Variants in ESPNL observed in about 807,000 individuals in gnomAD.
ESPNL encodes espin-like protein.
In ESPNL, 49 loss-of-function variants were observed where a neutral mutation model predicts 46.8. The ratio of observed to expected loss-of-function variants is 1.05; its 90% CI spans 0.83 to 1.33. The LOEUF (loss-of-function observed/expected upper bound fraction) is 1.33. ESPNL is among the 40% of genes most tolerant of loss of function. The pLI, the probability that ESPNL is intolerant of heterozygous loss-of-function variation, is 0.00. For synonymous variants in ESPNL, 664 were observed against 662.1 expected, an observed-to-expected ratio of 1.00 and a Z score of -0.04; for missense variants, 1,540 against 1,436.6, an observed-to-expected ratio of 1.07 and a Z score of -1.16.
intron 4 of ESPNL, among the ~76,000 whole-genome samples, chr2:238,111,358 T>C (rs954541354): frequency 6.6e-6 from 1 of 152,216 alleles, no homozygotes; most frequent in East Asian, 1.9e-4. Context: ...GCTAAGTCTG[T>C]TCACGTTGTC....
chr2:238,118,399 AGAGGGTGGACGGAG>A (rs1691873635), intron 5 of ESPNL, among the ~76,000 whole-genome samples: 2 of 51,292 alleles, frequency 3.9e-5, no homozygotes, highest in Non-Finnish European at 3.2e-5. Flanking sequence ...GGTGGATGGA[AGAGGGTGGACGGAG>A]GAGGGTGGAT....
At chr2:238,117,164 G>A (rs1433521630) in intron 5 of ESPNL, 130 bp downstream of exon 5, 7 of 1,277,010 alleles carry the variant, frequency 5.5e-6, no homozygotes, top group South Asian at 4.6e-5. Flanking sequence ...ACATGGCATT[G>A]GAGCCAGGAG....
rs1267698410 is a variant in ESPNL at position 238,116,931 on chromosome 2, T to G, written c.884T>G (p.Val295Gly). 6.2e-7 allele frequency: 1 copy of G among 1,612,670 alleles called. No individual in the cohort carries two copies. The highest frequency in any genetic ancestry group is 8.5e-7 in the Non-Finnish European group (1 of 1,179,854). Residue 295 changes from valine (V) to glycine (G), a missense_variant, in exon 5 of 9, where the codon GTG becomes GGG. By Grantham distance (109) the Val-to-Gly change is moderately radical. Transcript: ENST00000343063. ...TGCCAGACCCTAGTCTCCCACCACG[T>G]GGACCCCTCCCTGCGGGATGAAGAT... Reference protein sequence around the residue: ...ECCQTLVSHHVDPSLRDEDGY... With the variant: ...ECCQTLVSHHGDPSLRDEDGY...
chr2:238,116,958 G>T lies in ESPNL; in HGVS notation c.911G>T (p.Gly304Val), dbSNP rs761746600. The stretch of plus-strand genomic sequence containing the variant: ...GACCCCTCCCTGCGGGATGAAGATG[G>T]TTACACGGCGGCAGACCTGGCGGAG... ...HVDPSLRDEDGYTAADLAEYH... is the reference protein window; with the variant it reads ...HVDPSLRDEDVYTAADLAEYH... Residue 304 changes from glycine to valine, a missense_variant, in exon 5 of 9, where the codon GGT becomes GTT. Coordinates refer to ENST00000343063, the MANE Select transcript of ESPNL (RefSeq NM_194312.4). 4 of 1,612,490 alleles carry T rather than the reference G, an allele frequency of 2.5e-6. No homozygotes were observed. In the Admixed American group the frequency reaches 6.7e-5, roughly 27 times the overall value.
chr2:238,104,709 A>T lies in ESPNL; in HGVS notation c.539A>T (p.Gln180Leu). The T allele has an allele frequency of 6.2e-7, 1 of 1,607,672 alleles. No individual in the cohort carries two copies. The highest frequency in any genetic ancestry group is 1.1e-5 in the South Asian group (1 of 90,528). Residue 180 changes from glutamine to leucine, a missense_variant, in exon 3 of 9, where the codon CAG (glutamine) becomes CTG (leucine). Physicochemically the swap from Gln to Leu is moderately radical, Grantham distance 113. Transcript: ENST00000343063. ...SGASPLYLAC[Q>L]EGHLHLAQFL... ...GCCTCCCCACTCTACCTGGCCTGCC[A>T]GGAGGGCCACCTGCACCTGGCCCAG...
Position 238,130,483 on chromosome 2 carries a change from C to A in ESPNL, c.1769C>A (p.Pro590His). 1 of 1,598,622 alleles carries A rather than the reference C, an allele frequency of 6.3e-7. No homozygotes were observed. The highest frequency in any genetic ancestry group is 8.5e-7 in the Non-Finnish European group (1 of 1,172,756). The change falls in exon 9 of 9, where the codon CCC (proline) becomes CAC (histidine). Residue 590 changes from proline (P) to histidine (H), a missense_variant. Coordinates refer to ENST00000343063, the MANE Select transcript of ESPNL (RefSeq NM_194312.4). Reference sequence around the variant, plus strand: ...GTGGCCCCCGGGGTGCAGCCCCTGCCCTTCTGGTGCAGCCACATCTCCCGC... The same window carrying A: ...GTGGCCCCCGGGGTGCAGCCCCTGCACTTCTGGTGCAGCCACATCTCCCGC... Reference protein sequence around the residue: ...SEVAPGVQPLPFWCSHISRLV... With the variant: ...SEVAPGVQPLHFWCSHISRLV...
intron 8 of ESPNL, chr2:238,129,320 C>T (rs1194948983): frequency 1.0e-6 from 1 of 968,968 alleles, no homozygotes; most frequent in African/African-American, 1.8e-5. Context: ...CTTAGGGGGC[C>T]CCCTCTGGGG....
chr2:238,130,641 C>T lies in ESPNL; in HGVS notation c.1927C>T (p.Arg643Cys), dbSNP rs767241988. ...CAGCCCCCCTCGGAGCGAGGCCCAG[C>T]GCCAGATCCAGGAGTGGGGGGTGTC... Reference protein sequence around the residue: ...SASPPRSEAQRQIQEWGVSVR... With the variant: ...SASPPRSEAQCQIQEWGVSVR... The change falls in exon 9 of 9, where the codon CGC becomes TGC. Residue 643 changes from arginine (R) to cysteine (C), a missense_variant. Coordinates refer to ENST00000343063, the MANE Select transcript of ESPNL (RefSeq NM_194312.4). 2.5e-5 allele frequency: 39 copies of T among 1,561,320 alleles called. No individual in the cohort carries two copies. In the Admixed American group the frequency reaches 5.7e-4, roughly 23 times the overall value.
chr2:238,127,728 C>A lies in ESPNL; in HGVS notation c.1209C>A (p.Asp403Glu). The A allele has an allele frequency of 6.2e-7, 1 of 1,607,516 alleles. No homozygotes were observed. Among genetic ancestry groups the A allele is most frequent in the Non-Finnish European group, 8.5e-7 (1 of 1,177,472 alleles). ...GGATCATCACCAGTGCCACGGCTGA[C>A]CCCGAGGTTCGTCCTCCACCCCTGC... is the stretch of plus-strand genomic sequence containing the variant. ...PPRIITSATA[D>E]PEGTETALAG... The change falls in exon 7 of 9, where the codon GAC becomes GAA. Residue 403 changes from aspartate to glutamate, a missense_variant. Asp to Glu is a conservative substitution (Grantham distance 45). Transcript: ENST00000343063.
In ESPNL at chr2:238,100,513, A is replaced by G; in HGVS notation, c.94A>G (p.Thr32Ala). 6.3e-7 allele frequency: 1 copy of G among 1,596,774 alleles called. No individual in the cohort carries two copies. Among genetic ancestry groups the G allele is most frequent in the Non-Finnish European group, 8.5e-7 (1 of 1,174,502 alleles). ...GGCTGGCGCCCTGGGCCCGGGCATC[A>G]CCGATGCTCTGGGGGCCGGCCTGGT... ...LEAGALGPGI[T>A]DALGAGLVHH... Residue 32 changes from threonine (T) to alanine (A), a missense_variant, in exon 1 of 9, where the codon ACC becomes GCC. Thr to Ala is a moderately conservative substitution (Grantham distance 58, BLOSUM62 0). Coordinates refer to ENST00000343063, the MANE Select transcript of ESPNL (RefSeq NM_194312.4).
chr2:238,127,363 C>G, intron 6 of ESPNL: 1 of 1,277,006 alleles, frequency 7.8e-7, no homozygotes, highest in African/African-American at 1.5e-5. Flanking sequence ...TCCTCCCCTG[C>G]TGCAGGAGGG....
intron 3 of ESPNL, among the ~76,000 whole-genome samples, chr2:238,105,512 CAAAAAAAAA>C (rs58809990): frequency 2.0e-5 from 2 of 98,008 alleles, no homozygotes; most frequent in Non-Finnish European, 4.1e-5. Flanking sequence ...GACTCTGTCT[CAAAAAAAAA>C]AAAAAAAAAA....
At position 238,101,942 on chromosome 2, in the gene ESPNL, A is replaced by C. The variant is rs772297854; in HGVS notation, c.296A>C (p.Asp99Ala). The change falls in exon 2 of 9, where the codon GAC (aspartate) becomes GCC (alanine). Residue 99 changes from aspartate to alanine, a missense_variant and splice_region_variant. By Grantham distance (126) the Asp-to-Ala change is moderately radical. Coordinates refer to ENST00000343063, the MANE Select transcript of ESPNL (RefSeq NM_194312.4). ...LVREGGCGLQDQDASGVSPLH... is the reference protein window; with the variant it reads ...LVREGGCGLQAQDASGVSPLH... The stretch of plus-strand genomic sequence containing the variant: ...ACTGACCTACCCGGGGCTTGGTAGG[A>C]CCAAGATGCCTCGGGCGTCTCCCCG... The C allele has an allele frequency of 1.2e-6, 2 of 1,606,894 alleles. No homozygotes were observed.
chr2:238,128,792 G>T lies in ESPNL; in HGVS notation c.1301G>T (p.Gly434Val), dbSNP rs749848965. The stretch of plus-strand genomic sequence containing the variant: ...GGGCTGCCCTCAGGCGACATCGACG[G>T]GCTGGTGCCCACGCGGGATGAGCGC... ...LDGLPSGDIDGLVPTRDERGQ... is the reference protein window; with the variant it reads ...LDGLPSGDIDVLVPTRDERGQ... Residue 434 changes from glycine to valine, a missense_variant, in exon 8 of 9, where the codon GGG becomes GTG. Gly to Val is a moderately radical substitution (Grantham distance 109, BLOSUM62 -3). Coordinates refer to ENST00000343063, the MANE Select transcript of ESPNL (RefSeq NM_194312.4). 5 of 1,572,728 alleles carry T rather than the reference G, an allele frequency of 3.2e-6. No individual in the cohort carries two copies. In the Admixed American group the frequency reaches 9.2e-5, roughly 29 times the overall value.
chr2:238,131,052 A>G lies in ESPNL; in HGVS notation c.2338A>G (p.Arg780Gly). 6.5e-7 allele frequency: 1 copy of G among 1,538,282 alleles called. No individual in the cohort carries two copies. Among genetic ancestry groups the G allele is most frequent in the Non-Finnish European group, 8.7e-7 (1 of 1,143,294 alleles). ...HAGLRGQEAARSPGPPSPPSE... is the reference protein window; with the variant it reads ...HAGLRGQEAAGSPGPPSPPSE... ...GGGGTTGCGGGGCCAGGAGGCCGCCAGGAGCCCTGGGCCACCCTCCCCGCC... is the reference window on the plus strand; with the variant it reads ...GGGGTTGCGGGGCCAGGAGGCCGCCGGGAGCCCTGGGCCACCCTCCCCGCC... Residue 780 changes from arginine to glycine, a missense_variant, in exon 9 of 9, where the codon AGG becomes GGG. By Grantham distance (125) the Arg-to-Gly change is moderately radical (BLOSUM62 -2). Transcript: ENST00000343063.
intron 4 of ESPNL, among the ~76,000 whole-genome samples, chr2:238,113,686 C>T (rs1574733039): frequency 6.6e-6 from 1 of 152,180 alleles, no homozygotes. Flanking sequence ...CCAGGACCAC[C>T]TCCGTGACAG....
At chr2:238,101,645 C>A (rs1691480810) in intron 1 of ESPNL, among the ~76,000 whole-genome samples, 1 of 152,184 alleles carries the variant, frequency 6.6e-6, no homozygotes, top group Non-Finnish European at 1.5e-5. Context: ...TCTGCGGGCA[C>A]CCGACTGCGT....
intron 5 of ESPNL, among the ~76,000 whole-genome samples, chr2:238,123,948 G>A (rs1251834689): frequency 1.3e-5 from 2 of 152,210 alleles, no homozygotes; most frequent in East Asian, 1.9e-4. Context: ...GGCAGCCTGT[G>A]CCACCTTGTC....
At chr2:238,103,579 C>T (rs1015590877) in intron 2 of ESPNL, among the ~76,000 whole-genome samples, 1 of 152,214 alleles carries the variant, frequency 6.6e-6, no homozygotes, top group South Asian at 2.1e-4. Flanking sequence ...CTGGCCAGAC[C>T]ATGCCCCCTC....
Sources: allele counts gnomAD v4.1 joint callset (sites outside exome capture counted in the v4.1 genomes callset), GRCh38; gene constraint gnomAD v4.1.1; transcripts MANE v1.5; gene names NCBI Gene and HGNC (gene_info 2026-07-23, HGNC 2026-07-21).